GNA14: variants seen among roughly 807,000 people sequenced by gnomAD.
The protein encoded by GNA14 is guanine nucleotide-binding protein subunit alpha-14.
A neutral mutation model predicts 42.0 loss-of-function variants in GNA14; 50 were observed. The ratio of observed to expected loss-of-function variants is 1.19; its 90% CI spans 0.95 to 1.51. The LOEUF (loss-of-function observed/expected upper bound fraction) is 1.51. GNA14 is among the 40% of genes most tolerant of loss of function. The probability of loss-of-function intolerance (pLI) is 0.00; values close to 1 mark genes in which losing one functional copy is unlikely to be tolerated. For missense variants in GNA14, 473 were observed against 446.2 expected (o/e 1.06, Z -0.54); for synonymous variants, 173 against 163.1 (o/e 1.06, Z -0.46).
chr9:77,625,701 C>T (rs1057025196), intron 1 of GNA14, among the ~76,000 whole-genome samples: 2 of 152,156 alleles, frequency 1.3e-5, no homozygotes, highest in Non-Finnish European at 2.9e-5. Context: ...ATTCTGTCAC[C>T]ACCAGGCCTG....
intron 2 of GNA14, among the ~76,000 whole-genome samples, chr9:77,453,843 A>G (rs997399834): frequency 2.0e-5 from 3 of 152,240 alleles, no homozygotes; most frequent in African/African-American, 7.2e-5. Flanking sequence ...TCCAAAGAGC[A>G]GCTTTACGAT....
intron 1 of GNA14, among the ~76,000 whole-genome samples, chr9:77,629,876 A>G (rs1382623646): frequency 1.3e-5 from 2 of 152,056 alleles, no homozygotes; most frequent in Non-Finnish European, 2.9e-5. Flanking sequence ...CTTAAAGTAT[A>G]AAAAAAAGAA....
intron 1 of GNA14, among the ~76,000 whole-genome samples, chr9:77,579,301 A>G (rs1421146489): frequency 6.6e-6 from 1 of 152,140 alleles, no homozygotes; most frequent in Non-Finnish European, 1.5e-5. Context: ...AAACACCCAT[A>G]CCCACAGGCT....
intron 1 of GNA14, among the ~76,000 whole-genome samples, chr9:77,533,017 A>T (rs1217103077): frequency 5.3e-5 from 8 of 152,320 alleles, no homozygotes; most frequent in African/African-American, 1.9e-4. Flanking sequence ...ACCCAATCCA[A>T]AAAGTCACAG....
intron 1 of GNA14, among the ~76,000 whole-genome samples, chr9:77,538,063 CTTCT>C (rs374807768): frequency 0.046 from 4,378 of 95,008 alleles, 232 homozygotes; most frequent in African/African-American, 0.18. Context: ...TGTACAGAAG[CTTCT>C]TTTTTTTTTT....
chr9:77,574,379 T>A (rs1265151660), intron 1 of GNA14, among the ~76,000 whole-genome samples: 1 of 152,232 alleles, frequency 6.6e-6, no homozygotes, highest in Non-Finnish European at 1.5e-5. Context: ...TCAAATGCAA[T>A]CAAGATTTGT....
chr9:77,507,314 C>T (rs539976984), intron 2 of GNA14, among the ~76,000 whole-genome samples: 2 of 152,166 alleles, frequency 1.3e-5, no homozygotes, highest in African/African-American at 4.8e-5. Flanking sequence ...CCAAATGGCT[C>T]GTTGGGGTGA....
At chr9:77,544,870 AT>A (rs1837701930) in intron 1 of GNA14, among the ~76,000 whole-genome samples, 1 of 152,176 alleles carries the variant, frequency 6.6e-6, no homozygotes, top group African/African-American at 2.4e-5. Flanking sequence ...TCACCAAGAA[AT>A]CACAACACCA....
At chr9:77,539,851 A>G (rs1837638367) in intron 1 of GNA14, among the ~76,000 whole-genome samples, 1 of 151,234 alleles carries the variant, frequency 6.6e-6, no homozygotes, top group South Asian at 2.1e-4. Flanking sequence ...CTCCTTTTTG[A>G]TTTCTGATTA....
At chr9:77,510,598 A>AC (rs1330388504) in intron 2 of GNA14, among the ~76,000 whole-genome samples, 1 of 152,128 alleles carries the variant, frequency 6.6e-6, no homozygotes, top group Non-Finnish European at 1.5e-5. Context: ...TGATGGGAGT[A>AC]CCCCACAGTC....
intron 2 of GNA14, among the ~76,000 whole-genome samples, chr9:77,496,450 A>C (rs1836870226): frequency 6.6e-6 from 1 of 152,230 alleles, no homozygotes; most frequent in Admixed American, 6.5e-5. Flanking sequence ...TAAGGACAGC[A>C]TAAACTCCTC....
chr9:77,547,427 T>C (rs1440083577), intron 1 of GNA14, among the ~76,000 whole-genome samples: 1 of 152,200 alleles, frequency 6.6e-6, no homozygotes, highest in African/African-American at 2.4e-5. Context: ...TAAAATTAGC[T>C]CTATTTTTGT....
intron 2 of GNA14, among the ~76,000 whole-genome samples, chr9:77,511,017 G>A (rs1426238667): frequency 6.7e-6 from 1 of 150,090 alleles, no homozygotes. Flanking sequence ...TGGATCTCAA[G>A]CCCCTGGATT....
At chr9:77,630,906 C>T (rs1235319932) in intron 1 of GNA14, among the ~76,000 whole-genome samples, 1 of 152,114 alleles carries the variant, frequency 6.6e-6, no homozygotes, top group African/African-American at 2.4e-5. Flanking sequence ...CACCAGCTGG[C>T]CCACAGCATC....
chr9:77,646,718 C>A (rs1243044651), intron 1 of GNA14, among the ~76,000 whole-genome samples: 1 of 152,206 alleles, frequency 6.6e-6, no homozygotes, highest in Non-Finnish European at 1.5e-5. Flanking sequence ...AAATTGACAG[C>A]TGATATCATG....
chr9:77,518,969 C>G (rs913429214), intron 2 of GNA14, among the ~76,000 whole-genome samples: 3 of 152,118 alleles, frequency 2.0e-5, no homozygotes, highest in African/African-American at 7.2e-5. Flanking sequence ...GTTTTGGTGT[C>G]AGAAATCAAG....
intron 1 of GNA14, among the ~76,000 whole-genome samples, chr9:77,618,147 C>A (rs746125322): frequency 6.6e-6 from 1 of 151,912 alleles, no homozygotes; most frequent in Non-Finnish European, 1.5e-5. Context: ...ATTTAAAAAA[C>A]AACAACAACA....
intron 2 of GNA14, among the ~76,000 whole-genome samples, chr9:77,479,139 G>A (rs1260026834): frequency 6.6e-6 from 1 of 151,978 alleles, no homozygotes; most frequent in Non-Finnish European, 1.5e-5. Flanking sequence ...TTTCTTCTAG[G>A]GTTTTTATGG....
intron 2 of GNA14, among the ~76,000 whole-genome samples, chr9:77,476,849 C>T (rs1308494744): frequency 6.6e-6 from 1 of 152,168 alleles, no homozygotes; most frequent in African/African-American, 2.4e-5. Flanking sequence ...TACCTGGGAA[C>T]ATTTCAAGGC....
Sources: gnomAD v4.1 joint callset for allele counts (sites outside exome capture counted in the v4.1 genomes callset) on GRCh38, gnomAD v4.1.1 for gene constraint, MANE v1.5 for transcripts, NCBI Gene and HGNC (gene_info 2026-07-23, HGNC 2026-07-21) for gene names.